Variants in VAC14 observed in about 807,000 individuals in gnomAD.
VAC14 encodes VAC14 component of PIKFYVE complex.
In VAC14, 47 loss-of-function variants were observed where a neutral mutation model predicts 85.3. The observed-to-expected ratio is 0.55, with a 90% CI of 0.44 to 0.70. VAC14 has a LOEUF of 0.70. Among genes scored for constraint, VAC14 ranks in the 30% least tolerant of loss-of-function variants. The pLI is 0.00. For missense variants in VAC14, 861 were observed against 1,004.3 expected (o/e 0.86, Z 1.93); for synonymous variants, 447 against 430.5 (o/e 1.04, Z -0.47).
chr16:70,710,083 C>A (rs1285303287), intron 14 of VAC14, among the ~76,000 whole-genome samples: 2 of 152,248 alleles, frequency 1.3e-5, no homozygotes, highest in Non-Finnish European at 2.9e-5. Flanking sequence ...CCTGGCCCTG[C>A]CTGCCCTTGC....
At chr16:70,761,908 C>T (rs1030213562) in intron 12 of VAC14, among the ~76,000 whole-genome samples, 1 of 152,202 alleles carries the variant, frequency 6.6e-6, no homozygotes, top group East Asian at 1.9e-4. Flanking sequence ...CCTCTCACAT[C>T]CCCCTATGGT....
At chr16:70,790,031 C>T (rs1346676010) in intron 1 of VAC14, among the ~76,000 whole-genome samples, 1 of 152,192 alleles carries the variant, frequency 6.6e-6, no homozygotes, top group East Asian at 1.9e-4. Flanking sequence ...TCCTCCTGTG[C>T]GATGACCAGT....
intron 14 of VAC14, among the ~76,000 whole-genome samples, chr16:70,709,751 T>C (rs1340782040): frequency 6.6e-6 from 1 of 152,226 alleles, no homozygotes; most frequent in African/African-American, 2.4e-5. Context: ...AGCTACTGCC[T>C]GAGGTCCAGG....
rs746607910 is a variant in VAC14 at position 70,762,495 on chromosome 16, A to C, written c.1371+45T>G. ...ATCTCAGTCACTAACAAGGGGAGGC[A>C]GGGCAGCCGATGTTCCATAAGTACG... On this transcript the variant is annotated intron_variant, in intron 12 of 18. Coordinates refer to ENST00000261776, the MANE Select transcript of VAC14 (RefSeq NM_018052.5). The surrounding 1 kb of genome is among the most constrained non-coding windows in gnomAD (Gnocchi z 4.1). 1 of 1,583,064 alleles carries C rather than the reference A, an allele frequency of 6.3e-7. No homozygotes were observed. The highest frequency in any genetic ancestry group is 1.1e-5 in the South Asian group (1 of 89,982).
chr16:70,687,841 G>C lies in VAC14; in HGVS notation c.*87C>G, dbSNP rs1045259808. On this transcript the variant is annotated 3_prime_UTR_variant, in exon 19 of 19. Coordinates refer to ENST00000261776, the MANE Select transcript of VAC14 (RefSeq NM_018052.5). ...GGCAGGCCCAGCCCTGGTCCTGACA[G>C]GCAGGTCCTTGAGCTCCTCGGGAGG... The C allele has an allele frequency of 1.3e-5, 17 of 1,308,978 alleles. No homozygotes were observed. The highest frequency in any genetic ancestry group is 1.7e-5 in the Non-Finnish European group (17 of 1,015,968). The allele number at this position is 1,308,978 out of a possible 1,614,324, so 81.1% of individuals were successfully genotyped here.
intron 14 of VAC14, chr16:70,699,140 A>C: frequency 2.2e-5 from 6 of 272,494 alleles, no homozygotes; most frequent in Non-Finnish European, 3.6e-5. Flanking sequence ...ACCTTCCTGA[A>C]CTCCCACATG....
chr16:70,692,967 C>T lies in VAC14; in HGVS notation c.2040G>A (p.Leu680=). Residue 680 remains leucine (L), a synonymous_variant, in exon 18 of 19, where the codon CTG becomes CTA. Transcript: ENST00000261776. ...TCTTCACGTCCAGCAGCTGCAGGCG[C>T]AGATCTGGGGTAGGCAGAGGGCAGG... ...QLIECPIFTY[L]RLQLLDVKNN... 1.2e-6 allele frequency: 2 copies of T among 1,610,658 alleles called. No individual in the cohort carries two copies. Among genetic ancestry groups the T allele is most frequent in the Non-Finnish European group, 1.7e-6 (2 of 1,179,312 alleles).
At chr16:70,737,009 CTG>C (rs2054777388) in intron 13 of VAC14, among the ~76,000 whole-genome samples, 1 of 152,208 alleles carries the variant, frequency 6.6e-6, no homozygotes, top group Non-Finnish European at 1.5e-5. Context: ...CCCAGCCACT[CTG>C]TTGATCTGAG....
At chr16:70,792,025 AG>A (rs2034362637) in intron 1 of VAC14, among the ~76,000 whole-genome samples, 1 of 152,230 alleles carries the variant, frequency 6.6e-6, no homozygotes. Flanking sequence ...AGAAGGGCTC[AG>A]GTCACCAGAG....
At chr16:70,699,912 T>A (rs1315978433) in intron 14 of VAC14, 1 of 152,148 alleles carries the variant, frequency 6.6e-6, no homozygotes. Context: ...CGTCTGGGGC[T>A]AAGCTCCAGT....
Position 70,762,694 on chromosome 16 carries a change from C to A in VAC14, c.1306-89G>T, listed in dbSNP as rs151014489. ...CAGTGTCCCGCTGGTGTGCACGGAC[C>A]CACTGGTCTGCACGGACCACTTCCC... On this transcript the variant is annotated intron_variant, in intron 11 of 18. Coordinates refer to ENST00000261776, the MANE Select transcript of VAC14 (RefSeq NM_018052.5). This position sits in a 1 kb window ranked among gnomAD's most constrained non-coding sequence, Gnocchi z 4.1. 997 of 1,516,810 alleles carry A rather than the reference C, an allele frequency of 6.6e-4. 6 individuals are homozygous for A. The African/African-American group carries it at 0.012, about 18-fold the overall frequency. 94.0% of individuals were successfully genotyped at this position (1,516,810 alleles called of 1,614,324 possible). A position where few individuals can be genotyped will look rare whatever the true frequency, so the allele number is the denominator to read the frequency against.
intron 9 of VAC14, among the ~76,000 whole-genome samples, chr16:70,777,425 G>C (rs946190928): frequency 6.6e-6 from 1 of 152,220 alleles, no homozygotes; most frequent in Non-Finnish European, 1.5e-5. Flanking sequence ...TGTCTGAGGG[G>C]AACAGATATA....
rs753447443 is a variant in VAC14, at chr16:70,762,956, G to A, written c.1230C>T (p.Asp410=). ...IVQVLNCHLS[D]TAIGMMTRIA... is the part of the protein sequence containing the mutation. The stretch of plus-strand genomic sequence containing the variant: ...TCCTGGTCATCATCCCAATGGCCGT[G>A]TCACTGAGGTGGCAGTTTAGGACCT... The change falls in exon 11 of 19, where the codon GAC becomes GAT. Residue 410 remains aspartate (D), a synonymous_variant. Transcript: ENST00000261776. The surrounding 1 kb of genome is among the most constrained non-coding windows in gnomAD (Gnocchi z 4.1). 6.2e-7 allele frequency: 1 copy of A among 1,614,246 alleles called. No individual in the cohort carries two copies. Among genetic ancestry groups the A allele is most frequent in the African/African-American group, 1.3e-5 (1 of 75,070 alleles).
chr16:70,771,910 C>T, intron 10 of VAC14, 199 bp downstream of exon 10: 1 of 572,412 alleles, frequency 1.7e-6, no homozygotes, highest in Non-Finnish European at 3.1e-6. Context: ...CCCTATCTAT[C>T]CATCAAGCCT....
intron 12 of VAC14, among the ~76,000 whole-genome samples, chr16:70,759,596 C>G (rs910984332): frequency 5.3e-5 from 8 of 152,180 alleles, no homozygotes; most frequent in Admixed American, 4.6e-4. Context: ...TCACCGCACT[C>G]TAGCCTGGGC....
At chr16:70,708,498 G>C (rs1359236331) in intron 14 of VAC14, among the ~76,000 whole-genome samples, 2 of 152,150 alleles carry the variant, frequency 1.3e-5, no homozygotes, top group African/African-American at 4.8e-5. Context: ...GTCTGGCTCT[G>C]GCGGAAGCAT....
At chr16:70,694,041 G>C (rs2053655708) in intron 17 of VAC14, among the ~76,000 whole-genome samples, 1 of 152,222 alleles carries the variant, frequency 6.6e-6, no homozygotes, top group Admixed American at 6.5e-5. Context: ...TCTTCCCTTT[G>C]GGCCTTTGGG....
At chr16:70,784,011 G>T in intron 5 of VAC14, 102 bp downstream of exon 5, 1 of 917,018 alleles carries the variant, frequency 1.1e-6, no homozygotes, top group Non-Finnish European at 1.8e-6. Context: ...ATTCAAGGGA[G>T]AACATGGAGG....
chr16:70,701,288 G>A (rs975741936), intron 14 of VAC14, among the ~76,000 whole-genome samples: 16 of 152,248 alleles, frequency 1.1e-4, no homozygotes, highest in African/African-American at 3.4e-4. Context: ...ACAGCTGCTT[G>A]CCTGGTGGAA....
Sources: allele counts gnomAD v4.1 joint callset (sites outside exome capture counted in the v4.1 genomes callset), GRCh38; gene constraint gnomAD v4.1.1; non-coding constraint Gnocchi (gnomAD v3.1); transcripts MANE v1.5; gene names NCBI Gene and HGNC (gene_info 2026-07-23, HGNC 2026-07-21).